The following CACNA1E variants were observed in gnomAD, a reference collection of about 807,000 sequenced individuals.
The protein encoded by CACNA1E is voltage-dependent R-type calcium channel subunit alpha-1E.
A neutral mutation model predicts 259.2 loss-of-function variants in CACNA1E; 40 were observed. The ratio of observed to expected loss-of-function variants is 0.15; its 90% CI spans 0.12 to 0.20. The LOEUF is 0.20. CACNA1E is among the 10% of genes least tolerant of loss of function. CACNA1E has a pLI of 1.00. For synonymous variants in CACNA1E, 1,104 were observed against 1,138.5 expected (o/e 0.97, Z 0.61); for missense variants, 1,874 against 3,040.1 (o/e 0.62, Z 9.02).
At chr1:181,740,316 C>T (rs1656446547) in intron 25 of CACNA1E, among the ~76,000 whole-genome samples, 1 of 152,160 alleles carries the variant, frequency 6.6e-6, no homozygotes, top group African/African-American at 2.4e-5. Flanking sequence ...GGTTTTCCCT[C>T]CAAGGGTTTG....
At chr1:181,784,225 G>A (rs1218364675) in intron 40 of CACNA1E, among the ~76,000 whole-genome samples, 1 of 152,162 alleles carries the variant, frequency 6.6e-6, no homozygotes, top group Non-Finnish European at 1.5e-5. Flanking sequence ...ACTTCCAGGT[G>A]GACCTTTAGC....
intron 1 of CACNA1E, among the ~76,000 whole-genome samples, chr1:181,488,264 C>T (rs1258268391): frequency 6.6e-6 from 1 of 152,188 alleles, no homozygotes; most frequent in Non-Finnish European, 1.5e-5. Context: ...GTAAGAATTT[C>T]AGGTTTGATG....
chr1:181,602,961 A>C (rs1653880135), intron 6 of CACNA1E, among the ~76,000 whole-genome samples: 1 of 152,160 alleles, frequency 6.6e-6, no homozygotes, highest in Non-Finnish European at 1.5e-5. Context: ...CGGAATTGCC[A>C]AGGGTGTCCT....
intron 1 of CACNA1E, among the ~76,000 whole-genome samples, chr1:181,388,892 C>CA (rs1482232558): frequency 4.3e-4 from 60 of 139,656 alleles, no homozygotes; most frequent in Middle Eastern, 3.7e-3. Context: ...ACTCCATCTC[C>CA]AAAAAAAAAA....
chr1:181,769,600 T>G (rs982517934), intron 35 of CACNA1E, among the ~76,000 whole-genome samples: 3 of 140,270 alleles, frequency 2.1e-5, no homozygotes, highest in Non-Finnish European at 3.1e-5. Flanking sequence ...TTATCTTAGA[T>G]TCAAAATAAA....
intron 24 of CACNA1E, 44 bp downstream of exon 24, chr1:181,738,470 G>A: frequency 6.8e-7 from 1 of 1,474,882 alleles, no homozygotes; most frequent in Non-Finnish European, 9.5e-7. Flanking sequence ...GTTTAGATGG[G>A]TCACCTGTCT....
At chr1:181,325,785 A>C (rs1488367392) in intron 1 of CACNA1E, among the ~76,000 whole-genome samples, 1 of 152,148 alleles carries the variant, frequency 6.6e-6, no homozygotes, top group Admixed American at 6.5e-5. Context: ...TCCGGAATTA[A>C]ATCCACATCC....
chr1:181,790,229 T>TAATG (rs1190601549), intron 43 of CACNA1E, among the ~76,000 whole-genome samples: 2 of 151,946 alleles, frequency 1.3e-5, no homozygotes, highest in Non-Finnish European at 2.9e-5. Context: ...CCCGGCAGAA[T>TAATG]AATGAATGGT....
chr1:181,650,652 A>T (rs555570258), intron 6 of CACNA1E, among the ~76,000 whole-genome samples: 2 of 152,352 alleles, frequency 1.3e-5, no homozygotes, highest in African/African-American at 4.8e-5. Flanking sequence ...CTGACCATTC[A>T]AGGGTCTTGC....
chr1:181,377,602 G>A (rs868791098), intron 1 of CACNA1E, among the ~76,000 whole-genome samples: 1 of 152,068 alleles, frequency 6.6e-6, no homozygotes, highest in Non-Finnish European at 1.5e-5. Flanking sequence ...AAAGGGAGGA[G>A]AAATTGAAAG....
chr1:181,484,143 G>C (rs1024233430), intron 1 of CACNA1E, 133 bp downstream of exon 1: 13 of 879,296 alleles, frequency 1.5e-5, no homozygotes, highest in Non-Finnish European at 2.4e-5. Flanking sequence ...CACACTCTTC[G>C]GTGCATCTAA....
At chr1:181,498,128 A>G (rs1664932467) in intron 1 of CACNA1E, among the ~76,000 whole-genome samples, 1 of 152,114 alleles carries the variant, frequency 6.6e-6, no homozygotes, top group African/African-American at 2.4e-5. Context: ...GTTCTGGGGT[A>G]CCCATAGTGT....
Position 181,789,359 on chromosome 1 carries a change from T to A in CACNA1E, c.5787-1086T>A, listed in dbSNP as rs560355295. On this transcript the variant is annotated intron_variant, in intron 43 of 47. Transcript: ENST00000367573. ...ATTAGGTGATTCTCTGCTCTTCATA[T>A]CTTCTCCTGTAATCTAAAAAAACAT... is the stretch of plus-strand genomic sequence containing the variant. Among the ~76,000 whole-genome samples, 14 of 152,340 alleles carry A rather than the reference T, an allele frequency of 9.2e-5. No individual in the cohort carries two copies. The South Asian group carries it at 2.9e-3, about 32-fold the overall frequency.
At chr1:181,665,839 C>T (rs776283545) in intron 7 of CACNA1E, among the ~76,000 whole-genome samples, 26 of 152,046 alleles carry the variant, frequency 1.7e-4, no homozygotes, top group African/African-American at 5.3e-4. Context: ...TACTAAGCTC[C>T]GAAGTGTACA....
At position 181,483,705 on chromosome 1, in the gene CACNA1E, C is replaced by T. The variant is rs746441783; in HGVS notation, c.-40C>T. 5 of 1,510,776 alleles carry T rather than the reference C, an allele frequency of 3.3e-6. No homozygotes were observed. In the East Asian group the frequency reaches 1.2e-4, roughly 36 times the overall value. 93.6% of individuals were successfully genotyped at this position (1,510,776 alleles called of 1,614,324 possible). ...GTTGCTGTGTGCGGGTGTTCGGCCG[C>T]GATCACCTTTGTGTGTCTTCTGTCT... is the stretch of plus-strand genomic sequence containing the variant. On this transcript the variant is annotated 5_prime_UTR_variant, in exon 1 of 48. Transcript: ENST00000367573.
chr1:181,521,475 A>G (rs1052939127), intron 3 of CACNA1E, among the ~76,000 whole-genome samples: 4 of 152,232 alleles, frequency 2.6e-5, no homozygotes, highest in African/African-American at 7.2e-5. Context: ...TAATACCCAT[A>G]TATGAGCTCT....
chr1:181,627,949 G>C (rs1656353434), intron 6 of CACNA1E, among the ~76,000 whole-genome samples: 1 of 152,174 alleles, frequency 6.6e-6, no homozygotes, highest in African/African-American at 2.4e-5. Flanking sequence ...TGGCATTTGA[G>C]ATCATTGGAA....
chr1:181,558,564 C>A (rs899560704), intron 3 of CACNA1E, among the ~76,000 whole-genome samples: 21 of 152,312 alleles, frequency 1.4e-4, no homozygotes, highest in African/African-American at 5.1e-4. Flanking sequence ...GGGTGAGGTG[C>A]ATGCGAGAGC....
In CACNA1E at chr1:181,609,374, G is replaced by A. The variant is rs139158718; in HGVS notation, c.951+28598G>A. ...TTCAAGCCTCTTGCTTTGAGAGGGA[G>A]AGGCTTGTGTGTGTTTTGTATGGGT... is the stretch of plus-strand genomic sequence containing the variant. On this transcript the variant is annotated intron_variant, in intron 6 of 47. Transcript: ENST00000367573. 9.8e-4 allele frequency among the ~76,000 whole-genome samples: 149 copies of A among 152,298 alleles called. 1 individual carries two copies. Among genetic ancestry groups the A allele is most frequent in the Middle Eastern group, 3.4e-3 (1 of 294 alleles).
Sources: gnomAD v4.1 joint callset for allele counts (sites outside exome capture counted in the v4.1 genomes callset) on GRCh38, gnomAD v4.1.1 for gene constraint, MANE v1.5 for transcripts, NCBI Gene and HGNC (gene_info 2026-07-23, HGNC 2026-07-21) for gene names.